The following WASF3 variants were observed in gnomAD, a reference collection of about 807,000 sequenced individuals.
WASF3 encodes the protein WASP family member 3.
Under a neutral mutation model 46.6 loss-of-function variants are expected in WASF3, and 11 were observed. That is an observed-to-expected ratio of 0.24 (90% CI 0.15 to 0.39). WASF3 has a LOEUF of 0.39. Among genes scored for constraint, WASF3 ranks in the 10% least tolerant of loss-of-function variants. The probability of loss-of-function intolerance (pLI) is 1.00; values close to 1 mark genes in which losing one functional copy is unlikely to be tolerated. For missense variants in WASF3, 576 were observed against 669.8 expected (o/e 0.86, Z 1.55); for synonymous variants, 242 against 259.7 (o/e 0.93, Z 0.65).
rs183553402 is a variant in WASF3 at position 26,631,172 on chromosome 13, G to C, written c.-10-11089G>C. Among the ~76,000 whole-genome samples, 330 of 152,284 alleles carry C rather than the reference G, an allele frequency of 2.2e-3. 4 individuals carry two copies. The highest frequency in any genetic ancestry group is 7.6e-3 in the African/African-American group (315 of 41,558). On this transcript the variant is annotated intron_variant, in intron 2 of 9. Coordinates refer to ENST00000335327, the MANE Select transcript of WASF3 (RefSeq NM_006646.6). ...TCTTTAGTTTAATTAGATCCCATTT[G>C]TTTATTCTGGCTTTTGTTTCCATTG... is the stretch of plus-strand genomic sequence containing the variant.
At chr13:26,609,084 T>A (rs1271885677) in intron 1 of WASF3, among the ~76,000 whole-genome samples, 5 of 152,078 alleles carry the variant, frequency 3.3e-5, no homozygotes, top group Non-Finnish European at 7.4e-5. Context: ...AAATAGTAAA[T>A]CCAAATACAA....
At chr13:26,673,659 T>C (rs1279426937) in intron 6 of WASF3, among the ~76,000 whole-genome samples, 2 of 152,210 alleles carry the variant, frequency 1.3e-5, no homozygotes, top group Non-Finnish European at 2.9e-5. Flanking sequence ...GAAGGAAAAA[T>C]TAGTTTAGAA....
chr13:26,581,294 G>A (rs959083344), intron 1 of WASF3, among the ~76,000 whole-genome samples: 2 of 152,094 alleles, frequency 1.3e-5, no homozygotes, highest in Admixed American at 1.3e-4. Context: ...GAAACCATAT[G>A]TGAATGGATG....
At chr13:26,681,466 T>A in intron 8 of WASF3, 146 bp downstream of exon 8, 1 of 1,036,960 alleles carries the variant, frequency 9.6e-7, no homozygotes, top group Non-Finnish European at 1.4e-6. Flanking sequence ...ACTCTAACAT[T>A]CTGTGTGAAA....
At chr13:26,628,033 G>A (rs1881525812) in intron 2 of WASF3, among the ~76,000 whole-genome samples, 1 of 152,082 alleles carries the variant, frequency 6.6e-6, no homozygotes, top group Admixed American at 6.6e-5. Context: ...TAGAGGCCAG[G>A]GTTTAATGCT....
intron 1 of WASF3, among the ~76,000 whole-genome samples, chr13:26,610,618 CAGGG>C (rs1307675133): frequency 1.3e-5 from 2 of 152,164 alleles, no homozygotes; most frequent in African/African-American, 4.8e-5. Flanking sequence ...ATTTGTGACA[CAGGG>C]AGTGTAACAG....
chr13:26,620,575 GGCT>G (rs1881275457), intron 2 of WASF3: 1 of 152,122 alleles, frequency 6.6e-6, no homozygotes, highest in African/African-American at 2.4e-5. Context: ...CCCTGTCCAT[GGCT>G]AGAAGAGAAA....
the WASF3 span, among the ~76,000 whole-genome samples, chr13:26,549,140 C>T: frequency 2.6e-5 from 4 of 151,938 alleles, no homozygotes; most frequent in African/African-American, 7.3e-5. Flanking sequence ...CACCACCACG[C>T]CCAGCTAATT....
chr13:26,681,896 CT>C (rs2137514212), intron 8 of WASF3, among the ~76,000 whole-genome samples: 1 of 152,274 alleles, frequency 6.6e-6, no homozygotes, highest in African/African-American at 2.4e-5. Flanking sequence ...TCTTTAAAGA[CT>C]TCATTCCTCA....
At chr13:26,675,331 C>T (rs1369336897) in intron 6 of WASF3, among the ~76,000 whole-genome samples, 1 of 151,964 alleles carries the variant, frequency 6.6e-6, no homozygotes, top group Non-Finnish European at 1.5e-5. Flanking sequence ...GCAGTGCTAT[C>T]CTCCTCCCCA....
chr13:26,662,435 A>G (rs1882657034), intron 3 of WASF3, among the ~76,000 whole-genome samples: 1 of 152,220 alleles, frequency 6.6e-6, no homozygotes, highest in South Asian at 2.1e-4. Context: ...GGATAAAGAA[A>G]ATGTGGTACA....
intron 3 of WASF3, among the ~76,000 whole-genome samples, chr13:26,656,291 G>C (rs1185975375): frequency 6.6e-6 from 1 of 152,112 alleles, no homozygotes; most frequent in African/African-American, 2.4e-5. Context: ...TAAAACAACT[G>C]AGTAAAGTGT....
At chr13:26,549,119 T>G in the WASF3 span, among the ~76,000 whole-genome samples, 1 of 151,904 alleles carries the variant, frequency 6.6e-6, no homozygotes, top group Non-Finnish European at 1.5e-5. Flanking sequence ...GTAGCTGGGA[T>G]TACAGAGACG....
At chr13:26,540,766 C>T in the WASF3 span, among the ~76,000 whole-genome samples, 2 of 152,160 alleles carry the variant, frequency 1.3e-5, no homozygotes, top group South Asian at 2.1e-4. Context: ...ACTCCCTCCC[C>T]GACCTTACAC....
chr13:26,554,103 CTTTCTTTCTTTCT>C (rs1879041884), upstream of WASF3, among the ~76,000 whole-genome samples: 1 of 110,036 alleles, frequency 9.1e-6, no homozygotes, highest in African/African-American at 4.0e-5. Flanking sequence ...TTCCTTCTTT[CTTTCTTTCTTTCT>C]TTCTTTCTTT....
At position 26,562,837 on chromosome 13, in the gene WASF3, TCCTCC is replaced by T. The variant is rs1199839009; in HGVS notation, c.-109+5033_-109+5037del. On this transcript the variant is annotated intron_variant, in intron 1 of 9. Coordinates refer to ENST00000335327, the MANE Select transcript of WASF3 (RefSeq NM_006646.6). Reference sequence around the variant, plus strand: ...GAGGGGCATCTGGTGTAGGCTGATTTCCTCCCCTCCCCTCCCCTCTCCTCCCCTCC... The same window carrying T: ...GAGGGGCATCTGGTGTAGGCTGATTTCCTCCCCTCCCCTCTCCTCCCCTCC... Among the ~76,000 whole-genome samples, 5 of 71,568 alleles carry T rather than the reference TCCTCC, an allele frequency of 7.0e-5. No homozygotes were observed. The South Asian group carries it at 2.5e-3, about 36-fold the overall frequency. The allele number at this position is 71,568 out of a possible 152,430, so 47.0% of individuals were successfully genotyped here.
chr13:26,554,045 T>C (rs1254737852), upstream of WASF3, among the ~76,000 whole-genome samples: 1 of 49,402 alleles, frequency 2.0e-5, no homozygotes, highest in Non-Finnish European at 4.0e-5. Flanking sequence ...CTTTCTTTCC[T>C]TCCTTCCTTC....
rs1593192339 is a variant in WASF3, at chr13:26,686,017, A to G, written c.*172A>G. 1 of 799,762 alleles carries G rather than the reference A, an allele frequency of 1.3e-6. No individual in the cohort carries two copies. The highest frequency in any genetic ancestry group is 3.0e-5 in the Admixed American group (1 of 33,574). The allele number at this position is 799,762 out of a possible 1,614,324, so 49.5% of individuals were successfully genotyped here. ...GTCTTTTCAGTATTTACTGTGTAATACTTAAGTGCCACTAAACATAGCAAA... is the reference window on the plus strand; with the variant it reads ...GTCTTTTCAGTATTTACTGTGTAATGCTTAAGTGCCACTAAACATAGCAAA... On this transcript the variant is annotated 3_prime_UTR_variant, in exon 10 of 10. Transcript: ENST00000335327.
At chr13:26,563,054 T>C (rs1879349549) in intron 1 of WASF3, among the ~76,000 whole-genome samples, 1 of 151,704 alleles carries the variant, frequency 6.6e-6, no homozygotes, top group Non-Finnish European at 1.5e-5. Context: ...CTTCCCACCC[T>C]GGACTTTTCC....
Sources: allele counts gnomAD v4.1 joint callset (sites outside exome capture counted in the v4.1 genomes callset), GRCh38; gene constraint gnomAD v4.1.1; transcripts MANE v1.5; gene names NCBI Gene and HGNC (gene_info 2026-07-23, HGNC 2026-07-21).